The following CREB5 variants were observed in gnomAD, a reference collection of about 807,000 sequenced individuals.
The protein encoded by CREB5 is cyclic AMP-responsive element-binding protein 5.
Under a neutral mutation model 57.1 loss-of-function variants are expected in CREB5, and 19 were observed. The observed-to-expected ratio is 0.33, with a 90% CI of 0.23 to 0.49. CREB5 has a LOEUF of 0.49. Ranked by LOEUF, CREB5 falls within the 20% of genes least tolerant of loss-of-function variation. CREB5 has a pLI of 0.99. For synonymous variants in CREB5, 238 were observed against 238.3 expected (o/e 1.00, Z 0.01); for missense variants, 579 against 671.6 (o/e 0.86, Z 1.52).
intron 5 of CREB5, among the ~76,000 whole-genome samples, chr7:28,605,991 C>T (rs1281732269): frequency 3.3e-5 from 5 of 152,158 alleles, no homozygotes; most frequent in African/African-American, 1.2e-4. Flanking sequence ...CGACTGAACA[C>T]TTGACGTGGA....
intron 9 of CREB5, 93 bp from the exon 10 acceptor site, chr7:28,817,978 A>C: frequency 5.0e-6 from 4 of 801,404 alleles, no homozygotes; most frequent in South Asian, 1.8e-5. Context: ...ACATAATGGA[A>C]GAGTTTGCCA....
chr7:28,403,082 A>G (rs1395108347), intron 1 of CREB5, among the ~76,000 whole-genome samples: 4 of 152,240 alleles, frequency 2.6e-5, no homozygotes, highest in South Asian at 2.1e-4. Context: ...GTAAAAATGC[A>G]TTTGTATGTC....
chr7:28,787,350 C>T (rs934661308), intron 7 of CREB5, among the ~76,000 whole-genome samples: 1 of 152,178 alleles, frequency 6.6e-6, no homozygotes, highest in East Asian at 1.9e-4. Context: ...CAGCTGAGTG[C>T]CAGACTAGTC....
intron 5 of CREB5, among the ~76,000 whole-genome samples, chr7:28,668,600 A>G (rs1799917794): frequency 6.6e-6 from 1 of 152,226 alleles, no homozygotes; most frequent in African/African-American, 2.4e-5. Context: ...AGAAGGAAGT[A>G]TGTACAAAAA....
At chr7:28,676,607 C>T (rs1800334717) in intron 5 of CREB5, among the ~76,000 whole-genome samples, 1 of 152,102 alleles carries the variant, frequency 6.6e-6, no homozygotes, top group Non-Finnish European at 1.5e-5. Flanking sequence ...ACATTGATAA[C>T]ATCCTTTTGG....
chr7:28,422,982 G>C (rs1788334892), intron 1 of CREB5, among the ~76,000 whole-genome samples: 1 of 152,140 alleles, frequency 6.6e-6, no homozygotes, highest in Non-Finnish European at 1.5e-5. Context: ...TCCCATTTTA[G>C]TGGATGCAGA....
At chr7:28,374,056 A>T (rs1439676551) in intron 1 of CREB5, among the ~76,000 whole-genome samples, 1 of 152,156 alleles carries the variant, frequency 6.6e-6, no homozygotes, top group East Asian at 1.9e-4. Flanking sequence ...CCGAGCTTCA[A>T]TGGATTTGAA....
intron 5 of CREB5, among the ~76,000 whole-genome samples, chr7:28,584,572 G>A (rs1177739415): frequency 1.3e-5 from 2 of 152,066 alleles, no homozygotes; most frequent in Non-Finnish European, 2.9e-5. Flanking sequence ...GCTGGGCATG[G>A]GGCAACTTTC....
chr7:28,611,483 C>G (rs1156458674), intron 5 of CREB5, among the ~76,000 whole-genome samples: 3 of 94,832 alleles, frequency 3.2e-5, no homozygotes, highest in Non-Finnish European at 6.1e-5. Flanking sequence ...GAAACCCCAT[C>G]TCTACTAAAA....
At position 28,566,079 on chromosome 7, in the gene CREB5, T is replaced by C. The variant is rs1795461970; in HGVS notation, c.292-4286T>C. On this transcript the variant is annotated intron_variant, in intron 4 of 10. Coordinates refer to ENST00000357727, the MANE Select transcript of CREB5 (RefSeq NM_182898.4). Reference sequence around the variant, plus strand: ...TTCCTGTGATATATTTTGGATGCCTTTATTCACACTTATTTGTCAATTTTC... The same window carrying C: ...TTCCTGTGATATATTTTGGATGCCTCTATTCACACTTATTTGTCAATTTTC... Among the ~76,000 whole-genome samples, 3 of 152,324 alleles carry C rather than the reference T, an allele frequency of 2.0e-5. No individual in the cohort carries two copies. In the South Asian group the frequency reaches 6.2e-4, roughly 32 times the overall value.
At chr7:28,612,823 G>A (rs557100851) in intron 5 of CREB5, among the ~76,000 whole-genome samples, 1 of 152,186 alleles carries the variant, frequency 6.6e-6, no homozygotes, top group South Asian at 2.1e-4. Flanking sequence ...TAGTCGAAGG[G>A]GAAAGAGAAG....
At chr7:28,551,996 T>TTCTC (rs890435394) in intron 4 of CREB5, among the ~76,000 whole-genome samples, 3 of 25,252 alleles carry the variant, frequency 1.2e-4, no homozygotes, top group African/African-American at 4.5e-4. Context: ...TTTCTCTCTT[T>TTCTC]TCTCTCTCTC....
intron 4 of CREB5, among the ~76,000 whole-genome samples, chr7:28,534,988 T>G (rs1405540163): frequency 7.1e-6 from 1 of 141,696 alleles, no homozygotes; most frequent in Non-Finnish European, 1.6e-5. Context: ...AGAAATGTAC[T>G]CATCCTTGGC....
chr7:28,494,788 T>G (rs1375269448), intron 2 of CREB5, 118 bp from the exon 3 acceptor site: 3 of 631,470 alleles, frequency 4.8e-6, no homozygotes, highest in Non-Finnish European at 5.2e-6. Flanking sequence ...TTTTTTTTTT[T>G]GTTTTGCCTG....
chr7:28,477,984 C>T (rs1791153097), intron 1 of CREB5, among the ~76,000 whole-genome samples: 1 of 152,030 alleles, frequency 6.6e-6, no homozygotes, highest in African/African-American at 2.4e-5. Flanking sequence ...TGTGGTGGTG[C>T]ACACCTGTGG....
At chr7:28,805,837 CTCTTA>C (rs1808696433) in intron 8 of CREB5, among the ~76,000 whole-genome samples, 3 of 152,158 alleles carry the variant, frequency 2.0e-5, no homozygotes, top group South Asian at 4.1e-4. Flanking sequence ...AACTCCTAGG[CTCTTA>C]TGAGTATTAA....
chr7:28,431,897 A>G (rs573638242), intron 1 of CREB5, among the ~76,000 whole-genome samples: 3 of 149,270 alleles, frequency 2.0e-5, no homozygotes, highest in African/African-American at 7.3e-5. Flanking sequence ...CACTGGAGGT[A>G]TGGTGAGCAG....
intron 1 of CREB5, among the ~76,000 whole-genome samples, chr7:28,300,813 A>T (rs1785087173): frequency 6.6e-6 from 1 of 152,124 alleles, no homozygotes; most frequent in Non-Finnish European, 1.5e-5. Flanking sequence ...GCATTTTTTT[A>T]AAAATACTAC....
At chr7:28,449,175 A>G (rs867324025) in intron 1 of CREB5, among the ~76,000 whole-genome samples, 13 of 151,882 alleles carry the variant, frequency 8.6e-5, no homozygotes, top group Middle Eastern at 3.4e-3. Flanking sequence ...TCCCCTGACC[A>G]CTCACTAAAG....
Sources: allele counts gnomAD v4.1 joint callset (sites outside exome capture counted in the v4.1 genomes callset), GRCh38; gene constraint gnomAD v4.1.1; transcripts MANE v1.5; gene names NCBI Gene and HGNC (gene_info 2026-07-23, HGNC 2026-07-21).